Variants in TNKS2 observed in about 807,000 individuals in gnomAD.
The protein encoded by TNKS2 is tankyrase 2.
Under a neutral mutation model 137.6 loss-of-function variants are expected in TNKS2, and 72 were observed. The ratio of observed to expected loss-of-function variants is 0.52; its 90% CI spans 0.43 to 0.64. The LOEUF is 0.64. TNKS2 is among the 30% of genes least tolerant of loss of function. TNKS2 has a pLI of 0.00. For synonymous variants in TNKS2, 516 were observed against 512.1 expected, an observed-to-expected ratio of 1.01 and a Z score of -0.10; for missense variants, 1,049 against 1,410.2, an observed-to-expected ratio of 0.74 and a Z score of 4.10.
At chr10:91,825,295 G>T (rs1845032788) in intron 7 of TNKS2, among the ~76,000 whole-genome samples, 1 of 151,980 alleles carries the variant, frequency 6.6e-6, no homozygotes, top group Admixed American at 6.6e-5. Context: ...TAGAGATAGG[G>T]TTTCACCATG....
chr10:91,813,611 G>C (rs1844578369), intron 2 of TNKS2, among the ~76,000 whole-genome samples: 1 of 152,102 alleles, frequency 6.6e-6, no homozygotes, highest in African/African-American at 2.4e-5. Flanking sequence ...AGGTAGGTGG[G>C]GATTTCTCTA....
chr10:91,835,599 T>C (rs866759606), intron 12 of TNKS2, among the ~76,000 whole-genome samples: 84 of 142,890 alleles, frequency 5.9e-4, no homozygotes, highest in African/African-American at 2.1e-3. Context: ...TTTCTTTTTT[T>C]TTTTTTTTTT....
intron 7 of TNKS2, among the ~76,000 whole-genome samples, chr10:91,823,288 GA>G (rs1434374557): frequency 1.3e-5 from 2 of 148,974 alleles, no homozygotes; most frequent in East Asian, 2.0e-4. Flanking sequence ...AGACTAGCAA[GA>G]AACTTTTTTT....
chr10:91,834,032 A>T lies in TNKS2; in HGVS notation c.1447+8A>T. ...TACAGCAACTCCTCCAAGGTATTAC[A>T]TGCTTCAATGAAATTGATTTTTTTA... is the stretch of plus-strand genomic sequence containing the variant. On this transcript the variant is annotated splice_region_variant and intron_variant, in intron 12 of 26. Transcript: ENST00000371627. 6.5e-7 allele frequency: 1 copy of T among 1,541,366 alleles called. No homozygotes were observed. The highest frequency in any genetic ancestry group is 8.7e-7 in the Non-Finnish European group (1 of 1,144,328).
At chr10:91,819,222 T>A in intron 3 of TNKS2, 48 bp from the exon 4 acceptor site, 1 of 1,170,186 alleles carries the variant, frequency 8.5e-7, no homozygotes, top group Non-Finnish European at 1.2e-6. Context: ...TAAAACTCAT[T>A]AATTTTTCTT....
chr10:91,848,780 T>G, intron 19 of TNKS2, 145 bp downstream of exon 19: 1 of 872,062 alleles, frequency 1.1e-6, no homozygotes, highest in Non-Finnish European at 1.7e-6. Context: ...TTTAACCTTG[T>G]ATTACTTTCT....
At chr10:91,814,866 A>G (rs1446490354) in intron 2 of TNKS2, among the ~76,000 whole-genome samples, 1 of 152,192 alleles carries the variant, frequency 6.6e-6, no homozygotes, top group Non-Finnish European at 1.5e-5. Flanking sequence ...TATCCCTGTC[A>G]TTAAGTGACA....
Position 91,840,497 on chromosome 10 carries a change from G to T in TNKS2, c.1528-64G>T. On this transcript the variant is annotated intron_variant, in intron 13 of 26. Coordinates refer to ENST00000371627, the MANE Select transcript of TNKS2 (RefSeq NM_025235.4). Reference sequence around the variant, plus strand: ...GACACTTTGAAAATTCCTACTAAATGACTTGAAACAAGAAATAACAATATG... The same window carrying T: ...GACACTTTGAAAATTCCTACTAAATTACTTGAAACAAGAAATAACAATATG... 2.8e-6 allele frequency: 4 copies of T among 1,449,368 alleles called. No homozygotes were observed. The South Asian group carries it at 3.9e-5, about 14-fold the overall frequency. The allele number at this position is 1,449,368 out of a possible 1,614,324, so 89.8% of individuals were successfully genotyped here.
chr10:91,836,245 G>C (rs190737774), intron 12 of TNKS2, among the ~76,000 whole-genome samples: 22 of 151,712 alleles, frequency 1.5e-4, no homozygotes, highest in Non-Finnish European at 2.9e-4. Context: ...TTTTGATGCT[G>C]CTTTTGATGT....
intron 18 of TNKS2, among the ~76,000 whole-genome samples, chr10:91,846,231 C>G (rs1401599426): frequency 6.6e-6 from 1 of 152,118 alleles, no homozygotes; most frequent in Admixed American, 6.5e-5. Flanking sequence ...TAAACAGACC[C>G]AGGCCCTCAG....
Position 91,845,012 on chromosome 10 carries a change from A to G in TNKS2, c.2153A>G (p.Asn718Ser). Residue 718 changes from asparagine to serine, a missense_variant, in exon 17 of 27, where the codon AAT becomes AGT. Physicochemically the swap from Asn to Ser is conservative, Grantham distance 46. This residue lies in a region of TNKS2 where 328 missense variants were observed against 436.0 expected (regional missense o/e 0.75). Transcript: ENST00000371627. Reference sequence around the variant, plus strand: ...AAAGGAGGACTTATTCCTTTACATAATGCAGCATCTTACGGGGTAAGTTCT... The same window carrying G: ...AAAGGAGGACTTATTCCTTTACATAGTGCAGCATCTTACGGGGTAAGTTCT... ...QDKGGLIPLH[N>S]AASYGHVDVA... 2 of 1,610,586 alleles carry G rather than the reference A, an allele frequency of 1.2e-6. No homozygotes were observed. Among genetic ancestry groups the G allele is most frequent in the Non-Finnish European group, 1.7e-6 (2 of 1,177,386 alleles).
Position 91,848,557 on chromosome 10 carries a change from T to A in TNKS2, c.2533T>A (p.Ser845Thr). ...LSAASSLDNL[S>T]GSFSELSSVV... ...TGCAGCCAGCAGTCTTGACAACTTA[T>A]CTGGGAGTTTTTCAGAACTGTCTTC... The change falls in exon 19 of 27, where the codon TCT becomes ACT. Residue 845 changes from serine (S) to threonine (T), a missense_variant. Transcript: ENST00000371627. The A allele has an allele frequency of 6.2e-7, 1 of 1,614,152 alleles. No individual in the cohort carries two copies. Among genetic ancestry groups the A allele is most frequent in the Non-Finnish European group, 8.5e-7 (1 of 1,180,028 alleles).
intron 18 of TNKS2, among the ~76,000 whole-genome samples, chr10:91,847,708 A>C (rs771787731): frequency 5.3e-5 from 8 of 152,178 alleles, no homozygotes; most frequent in Non-Finnish European, 1.0e-4. Context: ...CTCCTCTCCA[A>C]AAAACTTTCA....
intron 13 of TNKS2, among the ~76,000 whole-genome samples, chr10:91,838,629 A>G (rs1842109111): frequency 6.6e-6 from 1 of 152,166 alleles, no homozygotes; most frequent in Non-Finnish European, 1.5e-5. Context: ...CATTTCTAGG[A>G]ACCTGACTTG....
chr10:91,860,120 T>A (rs2133685859), intron 25 of TNKS2, among the ~76,000 whole-genome samples: 1 of 152,338 alleles, frequency 6.6e-6, no homozygotes, highest in East Asian at 1.9e-4. Flanking sequence ...AAAACATTGA[T>A]CCTTTTTGAA....
At chr10:91,805,911 G>A (rs958189067) in intron 1 of TNKS2, among the ~76,000 whole-genome samples, 1 of 152,274 alleles carries the variant, frequency 6.6e-6, no homozygotes, top group Admixed American at 6.5e-5. Context: ...AACCTACTTG[G>A]GGAGGACAGT....
At position 91,836,895 on chromosome 10, in the gene TNKS2, CTT is replaced by C. The variant is rs1491115979; in HGVS notation, c.1448-23_1448-22del. ...ATCTTCCAAATAGAGGTTAGTCACT[CTT>C]CTCTCTCTCTCTCTTTTTTAGAGGG... On this transcript the variant is annotated intron_variant, in intron 12 of 26. Coordinates refer to ENST00000371627, the MANE Select transcript of TNKS2 (RefSeq NM_025235.4). 5.0e-6 allele frequency: 8 copies of C among 1,602,652 alleles called. No individual in the cohort carries two copies. In the Middle Eastern group the frequency reaches 5.0e-4, roughly 100 times the overall value.
chr10:91,853,762 G>A (rs923889596), intron 21 of TNKS2, among the ~76,000 whole-genome samples: 1 of 152,224 alleles, frequency 6.6e-6, no homozygotes, highest in South Asian at 2.1e-4. Context: ...ACTTCTGTAA[G>A]TGTTTATTAG....
At chr10:91,808,957 C>G (rs1370951865) in intron 1 of TNKS2, among the ~76,000 whole-genome samples, 9 of 152,132 alleles carry the variant, frequency 5.9e-5, no homozygotes, top group Non-Finnish European at 1.3e-4. Context: ...TTGATGGCAA[C>G]TTCACTCTTC....
Sources: allele counts gnomAD v4.1 joint callset (sites outside exome capture counted in the v4.1 genomes callset), GRCh38; gene constraint gnomAD v4.1.1; regional missense constraint gnomAD v4.1.1; transcripts MANE v1.5; gene names NCBI Gene and HGNC (gene_info 2026-07-23, HGNC 2026-07-21).